Variants in CADPS observed in about 807,000 individuals in gnomAD.
The protein encoded by CADPS is calcium-dependent secretion activator 1.
In CADPS, 57 loss-of-function variants were observed where a neutral mutation model predicts 167.3. The ratio of observed to expected loss-of-function variants is 0.34; its 90% confidence interval spans 0.28 to 0.42. The LOEUF (loss-of-function observed/expected upper bound fraction) is 0.42, where lower values mean the gene tolerates loss of function less well. Among genes scored for constraint, CADPS ranks in the 20% least tolerant of loss-of-function variants. The pLI is 1.00. For synonymous variants in CADPS, 676 were observed against 635.3 expected, an observed-to-expected ratio of 1.06 and a Z score of -0.96; for missense variants, 1,414 against 1,738.1, an observed-to-expected ratio of 0.81 and a Z score of 3.32.
At chr3:62,437,980 A>G (rs551300851) in intron 28 of CADPS, 124 bp downstream of exon 28, 18 of 651,848 alleles carry the variant, frequency 2.8e-5, no homozygotes, top group East Asian at 8.4e-5. Context: ...GGAGAGGAAA[A>G]GATTTAGTCT....
chr3:62,662,041 G>A (rs918384365), intron 4 of CADPS, among the ~76,000 whole-genome samples: 18 of 152,198 alleles, frequency 1.2e-4, no homozygotes, highest in African/African-American at 3.9e-4. Flanking sequence ...AAGTGGAAAT[G>A]TTCAGTAGAC....
At chr3:62,472,148 A>G (rs1278972717) in intron 24 of CADPS, among the ~76,000 whole-genome samples, 1 of 152,224 alleles carries the variant, frequency 6.6e-6, no homozygotes, top group African/African-American at 2.4e-5. Context: ...TGTTCAGAAT[A>G]GTTAAATCCT....
chr3:62,785,008 T>C (rs2152691633), intron 1 of CADPS, among the ~76,000 whole-genome samples: 1 of 152,288 alleles, frequency 6.6e-6, no homozygotes, highest in East Asian at 1.9e-4. Context: ...CTTTATATTT[T>C]GGAGATTCAT....
At chr3:62,639,273 T>C (rs1383535932) in intron 6 of CADPS, among the ~76,000 whole-genome samples, 1 of 152,190 alleles carries the variant, frequency 6.6e-6, no homozygotes. Flanking sequence ...AATTAAACCT[T>C]TTTCTGGAAG....
intron 1 of CADPS, among the ~76,000 whole-genome samples, chr3:62,847,319 G>A (rs2077654549): frequency 8.2e-6 from 1 of 122,536 alleles, no homozygotes; most frequent in Admixed American, 8.8e-5. Context: ...GGGTACATGT[G>A]CACATTGTGC....
At chr3:62,721,401 A>G (rs1257121498) in intron 3 of CADPS, among the ~76,000 whole-genome samples, 1 of 152,072 alleles carries the variant, frequency 6.6e-6, no homozygotes, top group Non-Finnish European at 1.5e-5. Flanking sequence ...CGTGGAGGAG[A>G]GTTTGTCCTT....
rs1167080734 is a variant in CADPS, at chr3:62,499,246, A to G, written c.2622T>C (p.Thr874=). 1 of 1,612,844 alleles carries G rather than the reference A, an allele frequency of 6.2e-7. No homozygotes were observed. Among genetic ancestry groups the G allele is most frequent in the South Asian group, 1.1e-5 (1 of 91,050 alleles). ...TTGTATCTTCAAGCTTTTTGGCAGGAGTGATTAACCGGCCTACATTTTCTG... is the reference window on the plus strand; with the variant it reads ...TTGTATCTTCAAGCTTTTTGGCAGGGGTGATTAACCGGCCTACATTTTCTG... ...KDAENVGRLI[T]PAKKLEDTIR... Residue 874 remains threonine (T), a synonymous_variant, in exon 18 of 30, where the codon ACT becomes ACC. Coordinates refer to ENST00000383710, the MANE Select transcript of CADPS (RefSeq NM_003716.4).
In CADPS at chr3:62,510,739, G is replaced by T. The variant is rs116373594; in HGVS notation, c.2599+2012C>A. On this transcript the variant is annotated intron_variant, in intron 17 of 29. Coordinates refer to ENST00000383710, the MANE Select transcript of CADPS (RefSeq NM_003716.4). ...ACCCACTTCCCTACAATTTGCACCTGTAACTCCGGTGGTGCCCTACCACCT... is the reference window on the plus strand; with the variant it reads ...ACCCACTTCCCTACAATTTGCACCTTTAACTCCGGTGGTGCCCTACCACCT... Among the ~76,000 whole-genome samples the T allele has an allele frequency of 9.6e-3, 1,456 of 152,134 alleles. 15 individuals are homozygous for T. The highest frequency in any genetic ancestry group is 0.034 in the African/African-American group (1,398 of 41,488).
chr3:62,749,040 G>C (rs1298410589), intron 3 of CADPS, among the ~76,000 whole-genome samples: 1 of 152,030 alleles, frequency 6.6e-6, no homozygotes, highest in African/African-American at 2.4e-5. Context: ...CTACATAATT[G>C]ACTGCATCTT....
Position 62,732,427 on chromosome 3 carries a change from T to C in CADPS, c.888+21014A>G, listed in dbSNP as rs371806890. ...AGCTTGGCTATAGATCCAGCCCTAGTTGGGAGGACAGTGACTCCAGCCAAC... is the reference window on the plus strand; with the variant it reads ...AGCTTGGCTATAGATCCAGCCCTAGCTGGGAGGACAGTGACTCCAGCCAAC... On this transcript the variant is annotated intron_variant, in intron 3 of 29. Coordinates refer to ENST00000383710, the MANE Select transcript of CADPS (RefSeq NM_003716.4). Among the ~76,000 whole-genome samples, 21 of 152,134 alleles carry C rather than the reference T, an allele frequency of 1.4e-4. 1 individual carries two copies. The highest frequency in any genetic ancestry group is 4.6e-4 in the African/African-American group (19 of 41,514).
chr3:62,643,859 A>G (rs1024513427), intron 6 of CADPS, among the ~76,000 whole-genome samples: 4 of 152,278 alleles, frequency 2.6e-5, no homozygotes, highest in Non-Finnish European at 4.4e-5. Flanking sequence ...GCAGTATAAC[A>G]TAAGAGCATG....
intron 3 of CADPS, among the ~76,000 whole-genome samples, chr3:62,723,533 C>T (rs1417361970): frequency 2.6e-5 from 4 of 151,972 alleles, no homozygotes; most frequent in Non-Finnish European, 5.9e-5. Flanking sequence ...CAGAGGACTA[C>T]ACAGGTCTGG....
intron 6 of CADPS, among the ~76,000 whole-genome samples, chr3:62,618,500 A>G (rs1242438802): frequency 1.3e-5 from 2 of 152,120 alleles, no homozygotes; most frequent in African/African-American, 4.8e-5. Flanking sequence ...TTTATAATAA[A>G]AGTTAAAATA....
chr3:62,666,349 C>G (rs1220467568), intron 3 of CADPS, among the ~76,000 whole-genome samples: 7 of 152,156 alleles, frequency 4.6e-5, no homozygotes, highest in Non-Finnish European at 1.0e-4. Flanking sequence ...GACAGCTCCA[C>G]TCTATGAAAT....
chr3:62,399,793 G>A lies in CADPS; in HGVS notation c.3883-208C>T, dbSNP rs1219347423. ...TGACAGAAAATGAGAAATAGTGACAGGATAAACTATATTAGATGAGACAAA... is the reference window on the plus strand; with the variant it reads ...TGACAGAAAATGAGAAATAGTGACAAGATAAACTATATTAGATGAGACAAA... On this transcript the variant is annotated intron_variant, in intron 29 of 29. Transcript: ENST00000383710. This position sits in a 1 kb window ranked among gnomAD's most constrained non-coding sequence, Gnocchi z 5.6. Among the ~76,000 whole-genome samples, 5 of 152,174 alleles carry A rather than the reference G, an allele frequency of 3.3e-5. No individual in the cohort carries two copies. The highest frequency in any genetic ancestry group is 4.8e-5 in the African/African-American group (2 of 41,454).
Position 62,875,048 on chromosome 3 carries a change from G to T in CADPS, c.-19C>A, listed in dbSNP as rs1170319694. On this transcript the variant is annotated 5_prime_UTR_variant, in exon 1 of 30. Transcript: ENST00000383710. The stretch of plus-strand genomic sequence containing the variant: ...CCAGCATAGTGGCGCCTGGGGAGCG[G>T]GGTCTCTGGAGCCCCCGGCTTGGAG... The T allele has an allele frequency of 6.4e-7, 1 of 1,573,208 alleles. No individual in the cohort carries two copies. Among genetic ancestry groups the T allele is most frequent in the Non-Finnish European group, 8.6e-7 (1 of 1,159,340 alleles).
At chr3:62,657,265 C>T (rs1423434609) in intron 4 of CADPS, among the ~76,000 whole-genome samples, 21 of 152,076 alleles carry the variant, frequency 1.4e-4, no homozygotes, top group Admixed American at 2.6e-4. Context: ...GTGTAGAATA[C>T]GGGTCTAAGT....
At chr3:62,437,706 G>A (rs1337556284) in intron 28 of CADPS, among the ~76,000 whole-genome samples, 1 of 152,144 alleles carries the variant, frequency 6.6e-6, no homozygotes, top group African/African-American at 2.4e-5. Context: ...TCAGGGAGGC[G>A]CCACCCCCAG....
intron 28 of CADPS, among the ~76,000 whole-genome samples, chr3:62,426,553 G>C (rs943308331): frequency 6.6e-6 from 1 of 152,230 alleles, no homozygotes; most frequent in East Asian, 1.9e-4. Flanking sequence ...TTGTGCTTTA[G>C]AGGCATCGCC....
Sources: allele counts gnomAD v4.1 joint callset (sites outside exome capture counted in the v4.1 genomes callset), GRCh38; gene constraint gnomAD v4.1.1; non-coding constraint Gnocchi (gnomAD v3.1); transcripts MANE v1.5; gene names NCBI Gene and HGNC (gene_info 2026-07-23, HGNC 2026-07-21).